PRRX1: variants seen among roughly 807,000 people sequenced by gnomAD.
The protein encoded by PRRX1 is paired related homeobox 1.
In PRRX1, 8 loss-of-function variants were observed where a neutral mutation model predicts 24.0. The ratio of observed to expected loss-of-function variants is 0.33; its 90% CI spans 0.20 to 0.60. The LOEUF (loss-of-function observed/expected upper bound fraction) is 0.60, where lower values mean the gene tolerates loss of function less well. PRRX1 is among the 20% of genes least tolerant of loss of function. The pLI is 0.82. For synonymous variants in PRRX1, 160 were observed against 131.7 expected, an observed-to-expected ratio of 1.22 and a Z score of -1.47; for missense variants, 281 against 322.4, an observed-to-expected ratio of 0.87 and a Z score of 0.98.
chr1:170,691,551 C>T (rs1247729025), intron 1 of PRRX1, among the ~76,000 whole-genome samples: 1 of 147,790 alleles, frequency 6.8e-6, no homozygotes, highest in Non-Finnish European at 1.5e-5. Context: ...TCCTTCCTCC[C>T]TCCCTCCTTG....
intron 1 of PRRX1, chr1:170,669,261 C>T (rs1277811327): frequency 1.3e-5 from 2 of 151,608 alleles, no homozygotes; most frequent in Non-Finnish European, 2.9e-5. Flanking sequence ...ACACCTAACC[C>T]CGGTGCACTC....
At chr1:170,680,019 C>T (rs1456017012) in intron 1 of PRRX1, among the ~76,000 whole-genome samples, 4 of 152,042 alleles carry the variant, frequency 2.6e-5, no homozygotes, top group Non-Finnish European at 2.9e-5. Flanking sequence ...AGGTTGTGTA[C>T]GAAATTTCAA....
Position 170,664,223 on chromosome 1 carries a change from C to T in PRRX1, c.5C>T (p.Thr2Ile). 6.2e-7 allele frequency: 1 copy of T among 1,610,408 alleles called. No individual in the cohort carries two copies. The highest frequency in any genetic ancestry group is 8.5e-7 in the Non-Finnish European group (1 of 1,178,796). MTSSYGHVLERQ... is the reference protein window; with the variant it reads MISSYGHVLERQ... Reference sequence around the variant, plus strand: ...GTGGGATCGGTGGGGGAGACCATGACCTCCAGCTACGGGCACGTTCTGGAG... The same window carrying T: ...GTGGGATCGGTGGGGGAGACCATGATCTCCAGCTACGGGCACGTTCTGGAG... The change falls in exon 1 of 4, where the codon ACC becomes ATC. Residue 2 changes from threonine (T) to isoleucine (I), a missense_variant. By Grantham distance (89) the Thr-to-Ile change is moderately conservative. Coordinates refer to ENST00000239461, the MANE Select transcript of PRRX1 (RefSeq NM_022716.4).
chr1:170,710,581 T>C (rs907126135), intron 1 of PRRX1, among the ~76,000 whole-genome samples: 11 of 152,238 alleles, frequency 7.2e-5, no homozygotes, highest in Admixed American at 5.9e-4. Context: ...TTAAAGCAGT[T>C]GTCATGGACT....
chr1:170,678,496 C>T (rs1371160319), intron 1 of PRRX1, among the ~76,000 whole-genome samples: 1 of 152,174 alleles, frequency 6.6e-6, no homozygotes, highest in African/African-American at 2.4e-5. Context: ...AGGTCAGCCC[C>T]AACATGCTAA....
At chr1:170,714,392 C>T (rs555397740) in intron 1 of PRRX1, among the ~76,000 whole-genome samples, 5 of 152,226 alleles carry the variant, frequency 3.3e-5, no homozygotes, top group African/African-American at 9.6e-5. Flanking sequence ...ACTTTAGATC[C>T]GCTTGCCTGC....
intron 1 of PRRX1, among the ~76,000 whole-genome samples, chr1:170,666,440 A>AAAAAAT (rs145523058): frequency 6.7e-6 from 1 of 148,946 alleles, no homozygotes; most frequent in Non-Finnish European, 1.5e-5. Flanking sequence ...AAAAAAAAAA[A>AAAAAAT]GTAGGGAGAA....
rs1347860293 is a variant in PRRX1, at chr1:170,735,936, C to T, written c.600-112C>T. 9.1e-6 allele frequency: 13 copies of T among 1,434,922 alleles called. No homozygotes were observed. In the Admixed American group the frequency reaches 1.7e-4, roughly 18 times the overall value. The allele number at this position is 1,434,922 out of a possible 1,614,324, so 88.9% of individuals were successfully genotyped here. ...GACCCTAGAGGTCATCTAGTCCAAG[C>T]CATTGCCCCTGCCTGCCCCCATGCT... On this transcript the variant is annotated intron_variant, in intron 3 of 3. Coordinates refer to ENST00000239461, the MANE Select transcript of PRRX1 (RefSeq NM_022716.4).
intron 1 of PRRX1, among the ~76,000 whole-genome samples, chr1:170,682,129 T>C (rs1006436503): frequency 5.3e-5 from 8 of 152,090 alleles, no homozygotes; most frequent in East Asian, 1.9e-4. Context: ...AGAAATAGAT[T>C]TGTGGCTCAG....
intron 2 of PRRX1, among the ~76,000 whole-genome samples, chr1:170,724,680 T>C (rs895120042): frequency 3.9e-5 from 6 of 152,254 alleles, no homozygotes; most frequent in African/African-American, 1.4e-4. Flanking sequence ...TTTTGGTTAC[T>C]GTAGCCTTGT....
At chr1:170,691,837 G>T (rs1653994023) in intron 1 of PRRX1, among the ~76,000 whole-genome samples, 1 of 152,048 alleles carries the variant, frequency 6.6e-6, no homozygotes, top group South Asian at 2.1e-4. Context: ...TGTGCTCTGG[G>T]TTGTGGTCAA....
chr1:170,704,806 G>A (rs1002739283), intron 1 of PRRX1, among the ~76,000 whole-genome samples: 5 of 152,176 alleles, frequency 3.3e-5, no homozygotes, highest in African/African-American at 1.2e-4. Flanking sequence ...CACTCAGTCT[G>A]GAGAATAAAT....
At chr1:170,680,577 A>T (rs1653473657) in intron 1 of PRRX1, among the ~76,000 whole-genome samples, 1 of 152,216 alleles carries the variant, frequency 6.6e-6, no homozygotes, top group African/African-American at 2.4e-5. Context: ...TTTGTGGAGC[A>T]TACTGGCAGC....
At chr1:170,668,466 A>G (rs1278037044) in intron 1 of PRRX1, 1 of 152,258 alleles carries the variant, frequency 6.6e-6, no homozygotes, top group Non-Finnish European at 1.5e-5. Flanking sequence ...ACACGCACAC[A>G]TTCACAAGCC....
At chr1:170,684,790 A>T (rs1302341779) in intron 1 of PRRX1, among the ~76,000 whole-genome samples, 1 of 152,218 alleles carries the variant, frequency 6.6e-6, no homozygotes, top group Non-Finnish European at 1.5e-5. Context: ...AGATACTTTA[A>T]GCATTCTGCA....
At chr1:170,722,532 T>C (rs892917344) in intron 2 of PRRX1, 1 of 152,176 alleles carries the variant, frequency 6.6e-6, no homozygotes, top group African/African-American at 2.4e-5. Flanking sequence ...GATATCATAA[T>C]ATGATTCCTA....
chr1:170,730,445 T>C (rs938367892), intron 3 of PRRX1: 22 of 1,069,770 alleles, frequency 2.1e-5, no homozygotes, highest in Non-Finnish European at 3.1e-5. Context: ...TTCTAGAAAT[T>C]TCAGCAGTGA....
chr1:170,683,416 G>T (rs1391599046), intron 1 of PRRX1, among the ~76,000 whole-genome samples: 1 of 152,190 alleles, frequency 6.6e-6, no homozygotes, highest in Non-Finnish European at 1.5e-5. Context: ...AGGCTGTGCA[G>T]CCTGCCCTGG....
rs59889473 is a variant in PRRX1 at position 170,722,351 on chromosome 1, C to T, written c.417+2450C>T. ...GGAGGCCATGTTTTATTCATCTTTG[C>T]AACATTTATTTTTTTCTTCTTTTCC... is the stretch of plus-strand genomic sequence containing the variant. On this transcript the variant is annotated intron_variant, in intron 2 of 3. Coordinates refer to ENST00000239461, the MANE Select transcript of PRRX1 (RefSeq NM_022716.4). Among the ~76,000 whole-genome samples, 364 of 152,312 alleles carry T rather than the reference C, an allele frequency of 2.4e-3. 5 individuals carry two copies. Among genetic ancestry groups the T allele is most frequent in the African/African-American group, 8.5e-3 (355 of 41,574 alleles).
Sources: allele counts gnomAD v4.1 joint callset (sites outside exome capture counted in the v4.1 genomes callset), GRCh38; gene constraint gnomAD v4.1.1; transcripts MANE v1.5; gene names NCBI Gene and HGNC (gene_info 2026-07-23, HGNC 2026-07-21).